The following RAP1B variants were observed in gnomAD, a reference collection of about 807,000 sequenced individuals.
RAP1B encodes ras-related protein Rap-1b.
RAP1B carries 1 observed loss-of-function variant against 27.5 expected under a neutral mutation model. That is an observed-to-expected ratio of 0.04 (90% CI 0.01 to 0.17). RAP1B has a LOEUF of 0.17. Among genes scored for constraint, RAP1B ranks in the 10% least tolerant of loss-of-function variants. RAP1B has a pLI of 1.00. For missense variants in RAP1B, 84 were observed against 214.8 expected (o/e 0.39, Z 3.81); for synonymous variants, 75 against 73.1 (o/e 1.03, Z -0.13).
intron 5 of RAP1B, 95 bp downstream of exon 5, chr12:68,654,347 T>A: frequency 6.9e-6 from 1 of 143,980 alleles, no homozygotes; most frequent in Non-Finnish European, 1.3e-5. Context: ...TTGTGTATTT[T>A]GGTTGGGGGG....
intron 1 of RAP1B, among the ~76,000 whole-genome samples, chr12:68,611,617 A>G (rs1212739057): frequency 1.3e-5 from 2 of 152,152 alleles, no homozygotes; most frequent in Non-Finnish European, 2.9e-5. Context: ...CTGACAGCGA[A>G]AAAGTTTGCC....
intron 1 of RAP1B, among the ~76,000 whole-genome samples, chr12:68,616,491 G>T (rs1022975999): frequency 4.3e-5 from 6 of 138,130 alleles, no homozygotes; most frequent in Non-Finnish European, 6.1e-5. Context: ...CTGTCCCCCA[G>T]GCTGGAGTGC....
intron 1 of RAP1B, among the ~76,000 whole-genome samples, chr12:68,614,645 G>C (rs930990551): frequency 2.0e-5 from 3 of 152,182 alleles, no homozygotes; most frequent in Non-Finnish European, 2.9e-5. Flanking sequence ...TAAGAGATTA[G>C]GCTGAAGTTT....
intron 1 of RAP1B, among the ~76,000 whole-genome samples, chr12:68,645,693 C>G (rs935007087): frequency 2.6e-5 from 4 of 152,210 alleles, no homozygotes; most frequent in Non-Finnish European, 5.9e-5. Context: ...ATCCTAAAAA[C>G]AGGATAATGG....
chr12:68,653,996 C>A, intron 4 of RAP1B, 116 bp from the exon 5 acceptor site: 3 of 866,696 alleles, frequency 3.5e-6, no homozygotes, highest in Middle Eastern at 2.8e-4. Flanking sequence ...ATAATTTTAA[C>A]AAAGTTACAT....
intron 1 of RAP1B, among the ~76,000 whole-genome samples, chr12:68,611,772 T>C (rs897509848): frequency 2.0e-5 from 3 of 152,306 alleles, no homozygotes; most frequent in Non-Finnish European, 4.4e-5. Context: ...AGGAAATCTC[T>C]TTCTCTTAGA....
intron 1 of RAP1B, among the ~76,000 whole-genome samples, chr12:68,612,927 T>C (rs1246341235): frequency 1.3e-5 from 2 of 152,238 alleles, no homozygotes; most frequent in African/African-American, 2.4e-5. Context: ...AGCTGCCTTA[T>C]CTAAGGAAGT....
rs2135975994 is a variant in RAP1B, at chr12:68,660,633, A to C, written c.*1384A>C. The C allele has an allele frequency of 6.5e-6, 1 of 152,706 alleles. No individual in the cohort carries two copies. The highest frequency in any genetic ancestry group is 1.9e-4 in the East Asian group (1 of 5,188). 9.5% of individuals were successfully genotyped at this position (152,706 alleles called of 1,614,324 possible). On this transcript the variant is annotated 3_prime_UTR_variant, in exon 8 of 8. Transcript: ENST00000250559. Reference sequence around the variant, plus strand: ...GGTGCATTTTACACAGCATGGTTTCATAATTTAACATCTGGGCAAGCCAGA... The same window carrying C: ...GGTGCATTTTACACAGCATGGTTTCCTAATTTAACATCTGGGCAAGCCAGA...
At chr12:68,641,823 G>A (rs1873030904) in intron 1 of RAP1B, among the ~76,000 whole-genome samples, 1 of 151,014 alleles carries the variant, frequency 6.6e-6, no homozygotes, top group South Asian at 2.1e-4. Flanking sequence ...AAAATACTTT[G>A]AACAGTAGTG....
At chr12:68,641,180 T>G (rs1379758369) in intron 1 of RAP1B, 1 of 152,276 alleles carries the variant, frequency 6.6e-6, no homozygotes, top group Non-Finnish European at 1.5e-5. Flanking sequence ...TTGGCTAATT[T>G]TCATATTTTT....
chr12:68,621,505 T>G (rs932473071), intron 1 of RAP1B: 1 of 152,232 alleles, frequency 6.6e-6, no homozygotes, highest in African/African-American at 2.4e-5. Context: ...TGCAAGCTTT[T>G]AAGGACAGAA....
At chr12:68,648,375 C>T (rs1873570040) in intron 1 of RAP1B, among the ~76,000 whole-genome samples, 1 of 152,186 alleles carries the variant, frequency 6.6e-6, no homozygotes. Context: ...GCTGTTACAG[C>T]ACAGAAGAAA....
At chr12:68,621,402 T>C (rs533605234) in intron 1 of RAP1B, 1 of 152,348 alleles carries the variant, frequency 6.6e-6, no homozygotes, top group East Asian at 1.9e-4. Context: ...TTGCATTAAA[T>C]CCTTCTATTT....
At chr12:68,637,617 A>C (rs1280719973) in intron 1 of RAP1B, among the ~76,000 whole-genome samples, 1 of 150,578 alleles carries the variant, frequency 6.6e-6, no homozygotes, top group South Asian at 2.1e-4. Context: ...AAAAAAAAAA[A>C]AAAAAAAAAA....
intron 1 of RAP1B, among the ~76,000 whole-genome samples, chr12:68,625,728 G>C (rs1249535842): frequency 5.9e-5 from 9 of 152,076 alleles, no homozygotes; most frequent in Non-Finnish European, 1.2e-4. Flanking sequence ...ATACCATCCT[G>C]GCCAGCATGG....
At chr12:68,621,902 C>G (rs1398912327) in intron 1 of RAP1B, among the ~76,000 whole-genome samples, 1 of 152,226 alleles carries the variant, frequency 6.6e-6, no homozygotes, top group Non-Finnish European at 1.5e-5. Flanking sequence ...GTACTTTTCT[C>G]TGGACCTTCA....
chr12:68,611,641 G>A (rs1870600694), intron 1 of RAP1B, among the ~76,000 whole-genome samples: 1 of 152,202 alleles, frequency 6.6e-6, no homozygotes, highest in Non-Finnish European at 1.5e-5. Flanking sequence ...AACGGGGCTT[G>A]CTTGCTCCAT....
rs533659128 is a variant in RAP1B at position 68,663,126 on chromosome 12, C to G, written c.*3877C>G. 1 of 150,320 alleles carries G rather than the reference C, an allele frequency of 6.7e-6. No individual in the cohort carries two copies. Among genetic ancestry groups the G allele is most frequent in the East Asian group, 2.0e-4 (1 of 5,128 alleles). The allele number at this position is 150,320 out of a possible 1,614,324, so 9.3% of individuals were successfully genotyped here. ...TTGCCCAGGCTGGCGTACAGTGGTGCGATCTTGGCTCACCCCAACCTCTGC... is the reference window on the plus strand; with the variant it reads ...TTGCCCAGGCTGGCGTACAGTGGTGGGATCTTGGCTCACCCCAACCTCTGC... On this transcript the variant is annotated 3_prime_UTR_variant, in exon 8 of 8. Transcript: ENST00000250559.
At chr12:68,658,937 C>T (rs1874423615) in intron 7 of RAP1B, among the ~76,000 whole-genome samples, 1 of 152,158 alleles carries the variant, frequency 6.6e-6, no homozygotes, top group African/African-American at 2.4e-5. Context: ...CTTTTCAATC[C>T]TAATTCTAAT....
Sources: gnomAD v4.1 joint callset for allele counts (sites outside exome capture counted in the v4.1 genomes callset) on GRCh38, gnomAD v4.1.1 for gene constraint, MANE v1.5 for transcripts, NCBI Gene and HGNC (gene_info 2026-07-23, HGNC 2026-07-21) for gene names.